The following KCNMA1 variants were observed in gnomAD, a reference collection of about 807,000 sequenced individuals.
KCNMA1 encodes the protein potassium calcium-activated channel subfamily M alpha 1, also known as Calcium-activated potassium channel subunit alpha-1.
KCNMA1 carries 29 observed loss-of-function variants against 140.0 expected under a neutral mutation model. That is an observed-to-expected ratio of 0.21 (90% CI 0.15 to 0.28). KCNMA1 has a LOEUF of 0.28. Ranked by LOEUF, KCNMA1 falls within the 10% of genes least tolerant of loss-of-function variation. KCNMA1 has a pLI of 1.00. For missense variants in KCNMA1, 880 were observed against 1,602.2 expected, an observed-to-expected ratio of 0.55 and a Z score of 7.70; for synonymous variants, 612 against 611.9, an observed-to-expected ratio of 1.00 and a Z score of 0.00.
chr10:77,393,548 G>T (rs932434320), intron 2 of KCNMA1, among the ~76,000 whole-genome samples: 16 of 152,200 alleles, frequency 1.1e-4, no homozygotes, highest in African/African-American at 3.6e-4. Flanking sequence ...CACTCGCCCA[G>T]GGTAAAAGCC....
chr10:77,616,276 G>A (rs2089459747), intron 1 of KCNMA1, among the ~76,000 whole-genome samples: 1 of 152,226 alleles, frequency 6.6e-6, no homozygotes, highest in South Asian at 2.1e-4. Context: ...ATGGACTAGA[G>A]TGGAGACTTA....
rs2098773700 is a variant in KCNMA1, at chr10:77,178,523, A to G, written c.808+4898T>C. ...GGAGTTTGAGACCAGCCTGGCCAAC[A>G]TGGCGATCCCGTCTCTACTAAAAAT... is the stretch of plus-strand genomic sequence containing the variant. On this transcript the variant is annotated intron_variant, in intron 5 of 27. Coordinates refer to ENST00000286628, the MANE Select transcript of KCNMA1 (RefSeq NM_001161352.2). Among the ~76,000 whole-genome samples, 3 of 152,246 alleles carry G rather than the reference A, an allele frequency of 2.0e-5. No individual in the cohort carries two copies. The South Asian group carries it at 6.2e-4, about 32-fold the overall frequency.
chr10:77,421,838 T>C (rs1297287972), intron 1 of KCNMA1, among the ~76,000 whole-genome samples: 1 of 152,216 alleles, frequency 6.6e-6, no homozygotes, highest in South Asian at 2.1e-4. Context: ...CAGCACAGTG[T>C]CTTGTTCTCA....
chr10:77,622,440 C>T (rs1413570452), intron 1 of KCNMA1, among the ~76,000 whole-genome samples: 2 of 152,224 alleles, frequency 1.3e-5, no homozygotes. Flanking sequence ...GGCTCTGCTC[C>T]TCACCTGTGT....
intron 1 of KCNMA1, among the ~76,000 whole-genome samples, chr10:77,506,589 GAGAGAGA>G (rs2045943595): frequency 2.7e-5 from 3 of 112,210 alleles, no homozygotes; most frequent in Admixed American, 8.6e-5. Flanking sequence ...GAGAGAGAGA[GAGAGAGA>G]GTGTGTGTGT....
At chr10:77,184,738 C>A in intron 4 of KCNMA1, 85 bp downstream of exon 4, 1 of 883,190 alleles carries the variant, frequency 1.1e-6, no homozygotes, top group Non-Finnish European at 1.9e-6. Context: ...ATCTTGACTG[C>A]GAGAGCAGAG....
chr10:77,162,264 A>T, intron 5 of KCNMA1, among the ~76,000 whole-genome samples: 1 of 152,180 alleles, frequency 6.6e-6, no homozygotes, highest in South Asian at 2.1e-4. Flanking sequence ...AAGCAAACAA[A>T]ATCTCTCAGA....
intron 21 of KCNMA1, 125 bp downstream of exon 21, chr10:76,953,676 A>G (rs2067123102): frequency 1.3e-5 from 15 of 1,132,996 alleles, no homozygotes; most frequent in Non-Finnish European, 2.0e-5. Context: ...TCAGAATTTC[A>G]CTCATCAAAA....
intron 1 of KCNMA1, among the ~76,000 whole-genome samples, chr10:77,423,746 G>T (rs1426906432): frequency 6.6e-6 from 1 of 152,198 alleles, no homozygotes; most frequent in Admixed American, 6.5e-5. Flanking sequence ...GGGGGACAAA[G>T]CCACGCTTTC....
At chr10:77,492,044 C>G (rs575136372) in intron 1 of KCNMA1, among the ~76,000 whole-genome samples, 4 of 152,188 alleles carry the variant, frequency 2.6e-5, no homozygotes, top group Non-Finnish European at 5.9e-5. Context: ...CCTACTGCTC[C>G]GTTCACTGGG....
chr10:77,447,887 G>T (rs2097558601), intron 1 of KCNMA1, among the ~76,000 whole-genome samples: 1 of 152,222 alleles, frequency 6.6e-6, no homozygotes, highest in Non-Finnish European at 1.5e-5. Context: ...TATTAAAAAG[G>T]TTATAATTAG....
intron 5 of KCNMA1, among the ~76,000 whole-genome samples, chr10:77,135,603 A>G (rs546067204): frequency 2.0e-5 from 3 of 152,240 alleles, no homozygotes; most frequent in Non-Finnish European, 4.4e-5. Flanking sequence ...CGCAGTGTCC[A>G]TCAACAGATG....
Position 77,056,968 on chromosome 10 carries a change from T to C in KCNMA1, c.1749+16129A>G, listed in dbSNP as rs145411613. On this transcript the variant is annotated intron_variant, in intron 14 of 27. Coordinates refer to ENST00000286628, the MANE Select transcript of KCNMA1 (RefSeq NM_001161352.2). ...TTTAGCATTTGCATCATAGGAATCCTAGAAGGAAAGCAGAAATAATATGGT... is the reference window on the plus strand; with the variant it reads ...TTTAGCATTTGCATCATAGGAATCCCAGAAGGAAAGCAGAAATAATATGGT... Among the ~76,000 whole-genome samples the C allele has an allele frequency of 1.1e-4, 17 of 152,190 alleles. No individual in the cohort carries two copies. In the East Asian group the frequency reaches 3.1e-3, roughly 28 times the overall value.
chr10:77,345,162 T>G (rs1401707162), intron 2 of KCNMA1, among the ~76,000 whole-genome samples: 1 of 152,206 alleles, frequency 6.6e-6, no homozygotes, highest in African/African-American at 2.4e-5. Flanking sequence ...GAATAATAAA[T>G]AAATGAATGG....
chr10:77,436,276 G>C (rs959681075), intron 1 of KCNMA1, among the ~76,000 whole-genome samples: 7 of 152,232 alleles, frequency 4.6e-5, no homozygotes, highest in African/African-American at 1.7e-4. Context: ...CCCAGATAGA[G>C]CTGGGCTAAC....
rs2154127967 is a variant in KCNMA1, at chr10:77,184,934, G to GA, written c.603-19dup. ...CTATTGGGCTATTAGACAGGAAGAA[G>GA]AAAAAGCAAGAGGTAAATGACAGGT... On this transcript the variant is annotated intron_variant, in intron 3 of 27. Coordinates refer to ENST00000286628, the MANE Select transcript of KCNMA1 (RefSeq NM_001161352.2). 1.4e-6 allele frequency: 2 copies of GA among 1,453,232 alleles called. No individual in the cohort carries two copies. Among genetic ancestry groups the GA allele is most frequent in the Non-Finnish European group, 9.7e-7 (1 of 1,033,698 alleles). 90.0% of individuals were successfully genotyped at this position (1,453,232 alleles called of 1,614,324 possible). A position where few individuals can be genotyped will look rare whatever the true frequency, so the allele number is the denominator to read the frequency against.
intron 15 of KCNMA1, among the ~76,000 whole-genome samples, chr10:77,030,137 A>C (rs1268724547): frequency 6.6e-6 from 1 of 152,198 alleles, no homozygotes; most frequent in Non-Finnish European, 1.5e-5. Context: ...CAGATGTCAA[A>C]GGACCACTTC....
At chr10:76,894,578 A>G (rs2041687643) in intron 25 of KCNMA1, among the ~76,000 whole-genome samples, 1 of 152,228 alleles carries the variant, frequency 6.6e-6, no homozygotes. Context: ...TGCAAATCAT[A>G]TGTCTGATAA....
chr10:76,894,526 C>A (rs1312394064), intron 25 of KCNMA1, among the ~76,000 whole-genome samples: 2 of 151,944 alleles, frequency 1.3e-5, no homozygotes, highest in Admixed American at 1.3e-4. Flanking sequence ...GGACACTATC[C>A]AAAAAGTGAA....
Sources: allele counts gnomAD v4.1 joint callset (sites outside exome capture counted in the v4.1 genomes callset), GRCh38; gene constraint gnomAD v4.1.1; transcripts MANE v1.5; gene names NCBI Gene and HGNC (gene_info 2026-07-23, HGNC 2026-07-21).